The following ANKRD50 variants were observed in gnomAD, a reference collection of about 807,000 sequenced individuals.
The protein encoded by ANKRD50 is ankyrin repeat domain-containing protein 50.
Under a neutral mutation model 112.0 loss-of-function variants are expected in ANKRD50, and 40 were observed. That is an observed-to-expected ratio of 0.36 (90% CI 0.28 to 0.46). ANKRD50 has a LOEUF of 0.46. ANKRD50 is among the 20% of genes least tolerant of loss of function. The probability of loss-of-function intolerance (pLI) is 1.00; values close to 1 mark genes in which losing one functional copy is unlikely to be tolerated. For synonymous variants in ANKRD50, 613 were observed against 619.1 expected (o/e 0.99, Z 0.15); for missense variants, 1,487 against 1,701.7 (o/e 0.87, Z 2.22).
At chr4:124,701,209 C>G (rs1044363825) in intron 2 of ANKRD50, among the ~76,000 whole-genome samples, 1 of 152,092 alleles carries the variant, frequency 6.6e-6, no homozygotes, top group South Asian at 2.1e-4. Flanking sequence ...GTGATCTGCC[C>G]GCCTCGGCCT....
At chr4:124,674,643 G>C (rs17008475) in intron 3 of ANKRD50, among the ~76,000 whole-genome samples, 27,589 of 151,758 alleles carry the variant, frequency 0.18, 2,597 homozygotes, top group South Asian at 0.24. Context: ...AACAAGAATA[G>C]AAAGCTGTGA....
At position 124,664,058 on chromosome 4, in the gene ANKRD50, G is replaced by A. The variant is rs1730431182; in HGVS notation, c.*3460C>T. On this transcript the variant is annotated 3_prime_UTR_variant, in exon 5 of 5. Coordinates refer to ENST00000504087, the MANE Select transcript of ANKRD50 (RefSeq NM_020337.3). ...AAGAAGTGACGCAAGTTTACTGAGTGAAGAAACACACAAATTTTATTTAGA... is the reference window on the plus strand; with the variant it reads ...AAGAAGTGACGCAAGTTTACTGAGTAAAGAAACACACAAATTTTATTTAGA... 1 of 151,940 alleles carries A rather than the reference G, an allele frequency of 6.6e-6. No homozygotes were observed. The highest frequency in any genetic ancestry group is 2.1e-4 in the South Asian group (1 of 4,824). The allele number at this position is 151,940 out of a possible 1,614,324, so 9.4% of individuals were successfully genotyped here.
At chr4:124,675,750 T>C (rs1730760013) in intron 3 of ANKRD50, among the ~76,000 whole-genome samples, 1 of 151,816 alleles carries the variant, frequency 6.6e-6, no homozygotes, top group African/African-American at 2.4e-5. Flanking sequence ...TAATTTTTTG[T>C]GCACAAAATG....
intron 2 of ANKRD50, among the ~76,000 whole-genome samples, chr4:124,704,907 A>C (rs1181857041): frequency 6.6e-6 from 1 of 152,210 alleles, no homozygotes; most frequent in Non-Finnish European, 1.5e-5. Context: ...ATCTTGGCTA[A>C]CATGGTGAAA....
intron 2 of ANKRD50, among the ~76,000 whole-genome samples, chr4:124,706,384 TAGATTA>T (rs2110529160): frequency 6.6e-6 from 1 of 152,260 alleles, no homozygotes; most frequent in South Asian, 2.1e-4. Context: ...AATGTTTCAC[TAGATTA>T]AGATGAAGTT....
At chr4:124,694,335 G>C (rs907600088) in intron 2 of ANKRD50, among the ~76,000 whole-genome samples, 1 of 152,098 alleles carries the variant, frequency 6.6e-6, no homozygotes, top group South Asian at 2.1e-4. Flanking sequence ...TTAAAACATA[G>C]CAGGGACATA....
intron 2 of ANKRD50, among the ~76,000 whole-genome samples, chr4:124,686,173 A>G (rs1024196036): frequency 6.6e-6 from 1 of 152,234 alleles, no homozygotes; most frequent in East Asian, 1.9e-4. Context: ...ATATACTATT[A>G]GATAATAGAT....
intron 1 of ANKRD50, among the ~76,000 whole-genome samples, chr4:124,712,079 G>C (rs997695903): frequency 6.6e-6 from 1 of 152,230 alleles, no homozygotes; most frequent in African/African-American, 2.4e-5. Flanking sequence ...GAGCCACAGG[G>C]GAGCCACCTC....
Position 124,671,597 on chromosome 4 carries a change from T to C in ANKRD50, c.1680A>G (p.Val560=). ...ANAAYSGSLD[V]VNLLVSRGAD... Reference sequence around the variant, plus strand: ...CTCCCCTAGAGACAAGTAAATTGACTACATCAAGACTGCCACTATATGCAG... The same window carrying C: ...CTCCCCTAGAGACAAGTAAATTGACCACATCAAGACTGCCACTATATGCAG... The change falls in exon 4 of 5, where the codon GTA becomes GTG. Residue 560 remains valine, a synonymous_variant. Transcript: ENST00000504087. 1 of 1,613,872 alleles carries C rather than the reference T, an allele frequency of 6.2e-7. No individual in the cohort carries two copies. Among genetic ancestry groups the C allele is most frequent in the South Asian group, 1.1e-5 (1 of 91,090 alleles).
rs748605560 is a variant in ANKRD50, at chr4:124,664,425, A to G, written c.*3093T>C. ...AACTTAAAACAACTAACAGTTGTTTATGCTATATGCATATCATGCATGTTC... is the reference window on the plus strand; with the variant it reads ...AACTTAAAACAACTAACAGTTGTTTGTGCTATATGCATATCATGCATGTTC... On this transcript the variant is annotated 3_prime_UTR_variant, in exon 5 of 5. Transcript: ENST00000504087. 1 of 152,390 alleles carries G rather than the reference A, an allele frequency of 6.6e-6. No individual in the cohort carries two copies. The allele number at this position is 152,390 out of a possible 1,614,324, so 9.4% of individuals were successfully genotyped here.
At position 124,670,178 on chromosome 4, in the gene ANKRD50, C is replaced by T. The variant is rs2110507209; in HGVS notation, c.3099G>A (p.Glu1033=). 6.2e-7 allele frequency: 1 copy of T among 1,612,672 alleles called. No homozygotes were observed. Among genetic ancestry groups the T allele is most frequent in the South Asian group, 1.1e-5 (1 of 90,792 alleles). The part of the protein sequence containing the change: ...GHVKVVQLLI[E]HGAVVDHTCN... Reference sequence around the variant, plus strand: ...ATGTATGGTCAACTACAGCACCATGCTCAATCAGAAGCTGAACCACTTTTA... The same window carrying T: ...ATGTATGGTCAACTACAGCACCATGTTCAATCAGAAGCTGAACCACTTTTA... Residue 1033 remains glutamate (E), a synonymous_variant, in exon 4 of 5, where the codon GAG becomes GAA. Transcript: ENST00000504087.
At chr4:124,681,048 T>A (rs1196276499) in intron 2 of ANKRD50, among the ~76,000 whole-genome samples, 1 of 152,170 alleles carries the variant, frequency 6.6e-6, no homozygotes, top group Non-Finnish European at 1.5e-5. Flanking sequence ...ATGTTTATAC[T>A]GGAGTTTAGA....
At chr4:124,689,253 T>C (rs1212997518) in intron 2 of ANKRD50, among the ~76,000 whole-genome samples, 1 of 152,172 alleles carries the variant, frequency 6.6e-6, no homozygotes, top group East Asian at 1.9e-4. Flanking sequence ...ATGAATGGGT[T>C]TATTTCATTA....
In ANKRD50 at chr4:124,678,270, G is replaced by A. The variant is rs1724782508; in HGVS notation, c.742+406C>T. Among the ~76,000 whole-genome samples, 3 of 151,174 alleles carry A rather than the reference G, an allele frequency of 2.0e-5. No homozygotes were observed. The South Asian group carries it at 6.3e-4, about 32-fold the overall frequency. On this transcript the variant is annotated intron_variant, in intron 3 of 4. Coordinates refer to ENST00000504087, the MANE Select transcript of ANKRD50 (RefSeq NM_020337.3). ...GAGTAACCACAACTTTATTACGGTA[G>A]TAAATAAAGAAAAGTAAAAAAAGTA...
chr4:124,699,256 TA>T (rs35038493), intron 2 of ANKRD50, among the ~76,000 whole-genome samples: 29,117 of 145,080 alleles, frequency 0.2, 3,027 homozygotes, highest in Middle Eastern at 0.31. Context: ...GCAGATATGA[TA>T]AAAAAAAAAA....
chr4:124,696,941 ATT>A (rs1188113952), intron 2 of ANKRD50, among the ~76,000 whole-genome samples: 33 of 152,260 alleles, frequency 2.2e-4, no homozygotes, highest in African/African-American at 7.0e-4. Context: ...TGAAACATAA[ATT>A]AGAGTACACT....
chr4:124,709,903 G>C (rs1421835104), intron 2 of ANKRD50, 97 bp downstream of exon 2: 10 of 1,485,086 alleles, frequency 6.7e-6, no homozygotes, highest in Non-Finnish European at 6.3e-6. Flanking sequence ...TACAGCACCA[G>C]TAAAAGTAAC....
At chr4:124,683,176 T>A (rs886703504) in intron 2 of ANKRD50, among the ~76,000 whole-genome samples, 1 of 151,830 alleles carries the variant, frequency 6.6e-6, no homozygotes, top group African/African-American at 2.4e-5. Context: ...CAGGCAACAG[T>A]TGTGTAACAG....
chr4:124,670,349 A>T lies in ANKRD50; in HGVS notation c.2928T>A (p.Asp976Glu), dbSNP rs949939674. 4.3e-6 allele frequency: 7 copies of T among 1,613,842 alleles called. No individual in the cohort carries two copies. The highest frequency in any genetic ancestry group is 5.9e-6 in the Non-Finnish European group (7 of 1,179,910). ...CATGAAGTGCTGTCCTTCCTTCAGC[A>T]TCACTTGCTTCTACGTTTGCACCAT... is the stretch of plus-strand genomic sequence containing the variant. ...LENGANVEAS[D>E]AEGRTALHVS... is the part of the protein sequence containing the mutation. Residue 976 changes from aspartate (D) to glutamate (E), a missense_variant, in exon 4 of 5, where the codon GAT becomes GAA. Transcript: ENST00000504087.
Sources: allele counts gnomAD v4.1 joint callset (sites outside exome capture counted in the v4.1 genomes callset), GRCh38; gene constraint gnomAD v4.1.1; transcripts MANE v1.5; gene names NCBI Gene and HGNC (gene_info 2026-07-23, HGNC 2026-07-21).